Variants in CLVS1 observed in about 807,000 individuals in gnomAD.
CLVS1 encodes the protein clavesin-1.
CLVS1 carries 10 observed loss-of-function variants against 33.1 expected under a neutral mutation model. The ratio of observed to expected loss-of-function variants is 0.30; its 90% CI spans 0.19 to 0.51. The LOEUF is 0.51. CLVS1 is among the 20% of genes least tolerant of loss of function. The pLI, the probability that CLVS1 is intolerant of heterozygous loss-of-function variation, is 0.97. For missense variants in CLVS1, 343 were observed against 433.4 expected (o/e 0.79, Z 1.85); for synonymous variants, 163 against 166.1 (o/e 0.98, Z 0.14).
At chr8:61,215,713 TGTGTGTGTGTGTGTG>T (rs1808069522) in intron 2 of CLVS1, among the ~76,000 whole-genome samples, 1 of 150,974 alleles carries the variant, frequency 6.6e-6, no homozygotes, top group East Asian at 1.9e-4. Context: ...TGTGTGTGTG[TGTGTGTGTGTGTGTG>T]TTTTCTGTGT....
At chr8:61,301,580 T>A (rs1810436546) in intron 2 of CLVS1, among the ~76,000 whole-genome samples, 1 of 152,198 alleles carries the variant, frequency 6.6e-6, no homozygotes, top group Non-Finnish European at 1.5e-5. Context: ...CATAAATATA[T>A]ATTACCTCAT....
intron 2 of CLVS1, among the ~76,000 whole-genome samples, chr8:61,137,723 G>T (rs777915920): frequency 6.6e-6 from 1 of 152,052 alleles, no homozygotes; most frequent in Non-Finnish European, 1.5e-5. Flanking sequence ...AGCCAGGCTC[G>T]ATGTTGCCAT....
At chr8:61,204,572 T>C (rs904170967) in intron 2 of CLVS1, among the ~76,000 whole-genome samples, 3 of 152,226 alleles carry the variant, frequency 2.0e-5, no homozygotes, top group Non-Finnish European at 2.9e-5. Flanking sequence ...ATAATGAGAC[T>C]TCCTAAACAT....
At chr8:61,247,122 TG>T (rs1246059416) in intron 2 of CLVS1, among the ~76,000 whole-genome samples, 1 of 152,202 alleles carries the variant, frequency 6.6e-6, no homozygotes, top group African/African-American at 2.4e-5. Context: ...TCAAAACACA[TG>T]ATCTAATTAT....
At chr8:61,117,755 G>A (rs866029083) in intron 1 of CLVS1, among the ~76,000 whole-genome samples, 2 of 152,322 alleles carry the variant, frequency 1.3e-5, no homozygotes, top group South Asian at 2.1e-4. Flanking sequence ...TTTTTGATGT[G>A]CTGCTGGATT....
intron 3 of CLVS1, among the ~76,000 whole-genome samples, chr8:61,406,620 G>T (rs183836095): frequency 6.6e-5 from 9 of 136,662 alleles, no homozygotes; most frequent in African/African-American, 1.3e-4. Flanking sequence ...TTTTTTTGTG[G>T]GGGGGGGGAT....
rs187864472 is a variant in CLVS1, at chr8:61,125,730, G to A, written c.-242-6040G>A. On this transcript the variant is annotated intron_variant, in intron 1 of 2. Transcript: ENST00000522621. ...CAGGGTCAGAGCAAGTTCCCACTTA[G>A]TACACAGAAAGGTTTTCTATGAGGG... is the stretch of plus-strand genomic sequence containing the variant. Among the ~76,000 whole-genome samples the A allele has an allele frequency of 1.2e-4, 19 of 152,320 alleles. No individual in the cohort carries two copies. The East Asian group carries it at 3.1e-3, about 25-fold the overall frequency.
At chr8:61,453,674 C>T (rs1329631488) in intron 3 of CLVS1, among the ~76,000 whole-genome samples, 1 of 152,160 alleles carries the variant, frequency 6.6e-6, no homozygotes, top group Non-Finnish European at 1.5e-5. Context: ...TCCTACACAG[C>T]CAGCACTCAC....
intron 1 of CLVS1, among the ~76,000 whole-genome samples, chr8:61,069,490 A>C (rs1804750976): frequency 6.6e-6 from 1 of 151,976 alleles, no homozygotes; most frequent in East Asian, 1.9e-4. Context: ...ATTTATCAGC[A>C]GTCACACTTT....
chr8:61,061,602 A>T (rs1418582376), intron 1 of CLVS1, among the ~76,000 whole-genome samples: 1 of 152,048 alleles, frequency 6.6e-6, no homozygotes, highest in South Asian at 2.1e-4. Context: ...GGCATCCCCA[A>T]AGGAGGGATT....
At chr8:61,066,318 A>G (rs1295956975) in intron 1 of CLVS1, among the ~76,000 whole-genome samples, 1 of 152,182 alleles carries the variant, frequency 6.6e-6, no homozygotes, top group African/African-American at 2.4e-5. Flanking sequence ...CAACATGGTG[A>G]AACCCTGTGT....
chr8:61,315,397 A>C (rs1810974847), intron 2 of CLVS1, among the ~76,000 whole-genome samples: 1 of 152,096 alleles, frequency 6.6e-6, no homozygotes, highest in Non-Finnish European at 1.5e-5. Context: ...ACTTACTCTA[A>C]GGTAGTGAAA....
In CLVS1 at chr8:61,198,503, C is replaced by G. The variant is rs552510060; in HGVS notation, c.-152+66643C>G. Among the ~76,000 whole-genome samples the G allele has an allele frequency of 3.5e-4, 53 of 152,288 alleles. No homozygotes were observed. In the South Asian group the frequency reaches 0.011, roughly 30 times the overall value. On this transcript the variant is annotated intron_variant, in intron 2 of 2. Transcript: ENST00000522621. Reference sequence around the variant, plus strand: ...CGAGCGATTCTCCTGCGTCAGCCTTCCAAGTAGCTGGGACTATAGGTGTGC... The same window carrying G: ...CGAGCGATTCTCCTGCGTCAGCCTTGCAAGTAGCTGGGACTATAGGTGTGC...
chr8:61,155,145 A>C, intron 2 of CLVS1, among the ~76,000 whole-genome samples: 1 of 152,228 alleles, frequency 6.6e-6, no homozygotes, highest in African/African-American at 2.4e-5. Context: ...AAGTACATGA[A>C]GGATAAGTGC....
chr8:60,978,950 A>G, the CLVS1 span, among the ~76,000 whole-genome samples: 2 of 152,116 alleles, frequency 1.3e-5, no homozygotes, highest in South Asian at 2.1e-4. Context: ...TAATGGTTTT[A>G]TTAGTGGATT....
At chr8:61,079,665 G>A (rs1804986457) in intron 1 of CLVS1, among the ~76,000 whole-genome samples, 1 of 152,030 alleles carries the variant, frequency 6.6e-6, no homozygotes, top group Non-Finnish European at 1.5e-5. Flanking sequence ...TTTGAGGGCT[G>A]TTTATTTGTT....
intron 2 of CLVS1, among the ~76,000 whole-genome samples, chr8:61,216,835 T>G (rs1808100383): frequency 6.6e-6 from 1 of 152,126 alleles, no homozygotes; most frequent in Non-Finnish European, 1.5e-5. Context: ...TTGGGCAGAT[T>G]TCTTATTGGT....
intron 2 of CLVS1, among the ~76,000 whole-genome samples, chr8:61,279,955 A>G: frequency 6.6e-6 from 1 of 151,854 alleles, no homozygotes; most frequent in East Asian, 1.9e-4. Context: ...TACATGAATA[A>G]AAGAGTGTGA....
chr8:61,393,112 C>T (rs1814373680), intron 3 of CLVS1, among the ~76,000 whole-genome samples: 1 of 151,940 alleles, frequency 6.6e-6, no homozygotes, highest in Non-Finnish European at 1.5e-5. Context: ...CAACTCCTGG[C>T]CTCAGGTGAT....
Sources: allele counts gnomAD v4.1 joint callset (sites outside exome capture counted in the v4.1 genomes callset), GRCh38; gene constraint gnomAD v4.1.1; transcripts MANE v1.5; gene names NCBI Gene and HGNC (gene_info 2026-07-23, HGNC 2026-07-21).